The following HECA variants were observed in gnomAD, a reference collection of about 807,000 sequenced individuals.
HECA encodes the protein headcase protein homolog.
Under a neutral mutation model 37.6 loss-of-function variants are expected in HECA, and 13 were observed. The ratio of observed to expected loss-of-function variants is 0.35; its 90% CI spans 0.23 to 0.55. The LOEUF (loss-of-function observed/expected upper bound fraction) is 0.55. HECA is among the 20% of genes least tolerant of loss of function. HECA has a pLI of 0.90. For synonymous variants in HECA, 307 were observed against 291.5 expected (o/e 1.05, Z -0.54); for missense variants, 527 against 701.9 (o/e 0.75, Z 2.82).
intron 2 of HECA, among the ~76,000 whole-genome samples, chr6:139,168,489 C>T (rs1390058138): frequency 8.1e-5 from 12 of 147,656 alleles, no homozygotes; most frequent in African/African-American, 3.0e-4. Context: ...AACCATCTTT[C>T]AAAGACATTT....
At chr6:139,146,452 G>C (rs1015961555) in intron 1 of HECA, among the ~76,000 whole-genome samples, 2 of 152,184 alleles carry the variant, frequency 1.3e-5, no homozygotes, top group Non-Finnish European at 2.9e-5. Context: ...GCTTATTTCA[G>C]TGTAATATTT....
intron 1 of HECA, among the ~76,000 whole-genome samples, chr6:139,145,257 T>C (rs1416978666): frequency 6.6e-6 from 1 of 152,236 alleles, no homozygotes; most frequent in Non-Finnish European, 1.5e-5. Flanking sequence ...AACAGGATGT[T>C]TTAGCTTAAT....
intron 1 of HECA, chr6:139,153,189 C>T (rs1489324548): frequency 1.5e-5 from 2 of 132,776 alleles, no homozygotes; most frequent in Non-Finnish European, 3.5e-5. Flanking sequence ...TTCAGAATGC[C>T]GATCTGAAGG....
intron 2 of HECA, among the ~76,000 whole-genome samples, chr6:139,172,123 G>A (rs1359648637): frequency 2.0e-5 from 3 of 151,978 alleles, no homozygotes; most frequent in African/African-American, 4.8e-5. Flanking sequence ...GAGCCACTGC[G>A]CCCAGCCCTA....
At chr6:139,166,072 C>T in intron 1 of HECA, 1 of 497,006 alleles carries the variant, frequency 2.0e-6, no homozygotes, top group Non-Finnish European at 3.5e-6. Flanking sequence ...CGTTGAAGGT[C>T]CTTTTTAGAG....
At chr6:139,175,584 A>G (rs1775040157) in intron 3 of HECA, among the ~76,000 whole-genome samples, 1 of 152,144 alleles carries the variant, frequency 6.6e-6, no homozygotes, top group African/African-American at 2.4e-5. Flanking sequence ...AGAACTTTTG[A>G]GCCTGTTAAC....
intron 1 of HECA, among the ~76,000 whole-genome samples, chr6:139,159,939 G>C (rs1286341636): frequency 6.6e-6 from 1 of 152,150 alleles, no homozygotes; most frequent in Non-Finnish European, 1.5e-5. Context: ...GGTTTATGGG[G>C]CTCCTCAGTG....
Position 139,166,718 on chromosome 6 carries a change from A to G in HECA, c.706A>G (p.Ser236Gly), listed in dbSNP as rs1288766187. Reference protein sequence around the residue: ...RPPNKPQKGPSHDLPRRHSMD... With the variant: ...RPPNKPQKGPGHDLPRRHSMD... ...CCCAAATAAGCCCCAGAAAGGCCCA[A>G]GCCACGACCTCCCCCGCCGGCATTC... Residue 236 changes from serine (S) to glycine (G), a missense_variant, in exon 2 of 4, where the codon AGC becomes GGC. By Grantham distance (56) the Ser-to-Gly change is moderately conservative. Transcript: ENST00000367658. 1.2e-6 allele frequency: 2 copies of G among 1,611,846 alleles called. No homozygotes were observed. The highest frequency in any genetic ancestry group is 1.7e-6 in the Non-Finnish European group (2 of 1,179,094).
rs149553267 is a variant in HECA, at chr6:139,174,498, A to G, written c.1426A>G (p.Met476Val). ...TGGCAGCTGGCACCAGCTGGGCACT[A>G]TGTACACCTACGACATCCTGGCTGC... ...WDGSWHQLGT[M>V]YTYDILAASP... The change falls in exon 3 of 4, where the codon ATG becomes GTG. Residue 476 changes from methionine to valine, a missense_variant. Around this residue, in one of 4 missense-constraint regions of HECA, gnomAD observed 106 missense variants for 193.4 expected, o/e 0.55. Coordinates refer to ENST00000367658, the MANE Select transcript of HECA (RefSeq NM_016217.3). 39 of 1,613,936 alleles carry G rather than the reference A, an allele frequency of 2.4e-5. No homozygotes were observed. Among genetic ancestry groups the G allele is most frequent in the Middle Eastern group, 1.6e-4 (1 of 6,084 alleles).
chr6:139,161,966 A>G (rs1774810387), intron 1 of HECA, among the ~76,000 whole-genome samples: 1 of 152,198 alleles, frequency 6.6e-6, no homozygotes, highest in African/African-American at 2.4e-5. Context: ...GCTTCAGTAC[A>G]TCCAGGTCTG....
intron 2 of HECA, among the ~76,000 whole-genome samples, chr6:139,169,420 A>C (rs1582948325): frequency 6.6e-6 from 1 of 152,210 alleles, no homozygotes; most frequent in East Asian, 1.9e-4. Flanking sequence ...GCTCTTTTTA[A>C]TAGCATTCTC....
chr6:139,166,488 G>T lies in HECA; in HGVS notation c.476G>T (p.Cys159Phe). Residue 159 changes from cysteine to phenylalanine, a missense_variant, in exon 2 of 4, where the codon TGC (cysteine) becomes TTC (phenylalanine). Physicochemically the swap from Cys to Phe is radical, Grantham distance 205. Coordinates refer to ENST00000367658, the MANE Select transcript of HECA (RefSeq NM_016217.3). ...GCGCGCAGCTGGAACGAGAAGCAAT[G>T]CCGCCAGAACATGTGGACAAAGAAG... ...GRARSWNEKQ[C>F]RQNMWTKKGY... 1.9e-6 allele frequency: 3 copies of T among 1,614,160 alleles called. No homozygotes were observed. The highest frequency in any genetic ancestry group is 2.5e-6 in the Non-Finnish European group (3 of 1,179,990).
At chr6:139,140,697 C>G (rs1204194481) in intron 1 of HECA, among the ~76,000 whole-genome samples, 1 of 152,166 alleles carries the variant, frequency 6.6e-6, no homozygotes, top group African/African-American at 2.4e-5. Context: ...TTACTTCAGG[C>G]TTTTAGCTAT....
chr6:139,141,182 C>T (rs566413431), intron 1 of HECA, among the ~76,000 whole-genome samples: 1 of 152,254 alleles, frequency 6.6e-6, no homozygotes, highest in East Asian at 1.9e-4. Context: ...AGAAAAGAAG[C>T]TTTCTTTGCC....
rs753085575 is a variant in HECA, at chr6:139,166,371, A to G, written c.359A>G (p.Asn120Ser). The change falls in exon 2 of 4, where the codon AAC becomes AGC. Residue 120 changes from asparagine (N) to serine (S), a missense_variant. Asn to Ser is a conservative substitution (Grantham distance 46). Transcript: ENST00000367658. ...KDDYQKVVCN[N>S]EHCPCSTWMH... ...GACTACCAGAAGGTGGTGTGCAACA[A>G]CGAGCACTGCCCCTGCAGCACCTGG... 1.2e-6 allele frequency: 2 copies of G among 1,614,090 alleles called. No individual in the cohort carries two copies. The highest frequency in any genetic ancestry group is 2.7e-5 in the African/African-American group (2 of 74,936).
chr6:139,165,967 G>T, intron 1 of HECA: 1 of 248,200 alleles, frequency 4.0e-6, no homozygotes, highest in Non-Finnish European at 7.6e-6. Flanking sequence ...CTGCCATTGG[G>T]TGTCAGACCA....
chr6:139,141,491 C>T (rs2114434906), intron 1 of HECA, among the ~76,000 whole-genome samples: 1 of 152,190 alleles, frequency 6.6e-6, no homozygotes, highest in East Asian at 1.9e-4. Flanking sequence ...GGCATTTGTC[C>T]ACTTAATTAC....
At chr6:139,135,879 G>A (rs1774428579) in intron 1 of HECA, among the ~76,000 whole-genome samples, 1 of 151,744 alleles carries the variant, frequency 6.6e-6, no homozygotes, top group African/African-American at 2.4e-5. Context: ...CCGCGCGGGG[G>A]GCAGCCCGCG....
At chr6:139,137,424 G>A (rs1774461793) in intron 1 of HECA, among the ~76,000 whole-genome samples, 1 of 152,118 alleles carries the variant, frequency 6.6e-6, no homozygotes, top group South Asian at 2.1e-4. Context: ...TATATAATGA[G>A]CTTAAAGTTT....
Sources: gnomAD v4.1 joint callset for allele counts (sites outside exome capture counted in the v4.1 genomes callset) on GRCh38, gnomAD v4.1.1 for gene constraint, gnomAD v4.1.1 regional missense constraint, MANE v1.5 for transcripts, NCBI Gene and HGNC (gene_info 2026-07-23, HGNC 2026-07-21) for gene names.